The following ZNF502 variants were observed in gnomAD, a reference collection of about 807,000 sequenced individuals.
The protein encoded by ZNF502 is zinc finger protein 502.
Under a neutral mutation model 43.6 loss-of-function variants are expected in ZNF502, and 29 were observed. That is an observed-to-expected ratio of 0.67 (90% CI 0.50 to 0.91). ZNF502 has a LOEUF of 0.91. Ranked by LOEUF, ZNF502 falls within the 40% of genes least tolerant of loss-of-function variation. The pLI is 0.00. For missense variants in ZNF502, 591 were observed against 647.2 expected (o/e 0.91, Z 0.94); for synonymous variants, 171 against 207.4 (o/e 0.82, Z 1.51).
At chr3:44,713,648 T>C (rs1704077241) in intron 1 of ZNF502, among the ~76,000 whole-genome samples, 1 of 152,054 alleles carries the variant, frequency 6.6e-6, no homozygotes. Flanking sequence ...CGGGGTGATC[T>C]GGGCTCACCA....
At position 44,722,666 on chromosome 3, in the gene ZNF502, T is replaced by G. The variant is rs1704396124; in HGVS notation, c.*214T>G. On this transcript the variant is annotated 3_prime_UTR_variant, in exon 3 of 3. Transcript: ENST00000436624. ...GGAATACAGGGTAGAAAGAAATTCC[T>G]GCTTTTCAGATAAAGCCTACACATT... The G allele has an allele frequency of 3.6e-6, 2 of 560,338 alleles. No individual in the cohort carries two copies. The highest frequency in any genetic ancestry group is 6.2e-5 in the South Asian group (2 of 32,514). The allele number at this position is 560,338 out of a possible 1,614,324, so 34.7% of individuals were successfully genotyped here.
Position 44,721,813 on chromosome 3 carries a change from C to A in ZNF502, c.996C>A (p.Phe332Leu). The change falls in exon 3 of 3, where the codon TTC becomes TTA. Residue 332 changes from phenylalanine to leucine, a missense_variant. Transcript: ENST00000436624. ...PHKCDECGKTFQTKANLSQHQ... is the reference protein window; with the variant it reads ...PHKCDECGKTLQTKANLSQHQ... Reference sequence around the variant, plus strand: ...AATGTGACGAATGTGGGAAAACTTTCCAAACAAAGGCAAACCTCTCTCAGC... The same window carrying A: ...AATGTGACGAATGTGGGAAAACTTTACAAACAAAGGCAAACCTCTCTCAGC... The A allele has an allele frequency of 6.2e-7, 1 of 1,614,068 alleles. No homozygotes were observed. The highest frequency in any genetic ancestry group is 8.5e-7 in the Non-Finnish European group (1 of 1,179,990).
In ZNF502 at chr3:44,720,272, T is replaced by C. The variant is rs765703520; in HGVS notation, c.11T>C (p.Met4Thr). 1.4e-5 allele frequency: 23 copies of C among 1,614,124 alleles called. No individual in the cohort carries two copies. The highest frequency in any genetic ancestry group is 1.9e-5 in the Non-Finnish European group (23 of 1,180,006). Residue 4 changes from methionine to threonine, a missense_variant, in exon 2 of 3, where the codon ATG (methionine) becomes ACG (threonine). Coordinates refer to ENST00000436624, the MANE Select transcript of ZNF502 (RefSeq NM_001134442.3). Reference protein sequence around the residue: MLNMQGAEERDIRR... With the variant: MLNTQGAEERDIRR... Reference sequence around the variant, plus strand: ...AGAGACGATCTGTGGATGTTGAATATGCAAGGAGCTGAAGAGAGAGACATT... The same window carrying C: ...AGAGACGATCTGTGGATGTTGAATACGCAAGGAGCTGAAGAGAGAGACATT...
chr3:44,715,715 T>G (rs1003193644), intron 1 of ZNF502, among the ~76,000 whole-genome samples: 1 of 152,198 alleles, frequency 6.6e-6, no homozygotes, highest in African/African-American at 2.4e-5. Flanking sequence ...TATTTTTAAT[T>G]TTTAATTTTT....
chr3:44,716,797 C>T (rs1459848571), intron 1 of ZNF502, among the ~76,000 whole-genome samples: 1 of 152,144 alleles, frequency 6.6e-6, no homozygotes, highest in East Asian at 1.9e-4. Context: ...TTTCAGTTTC[C>T]ATTTCCTTGT....
chr3:44,714,287 G>C (rs1255424895), intron 1 of ZNF502, among the ~76,000 whole-genome samples: 1 of 152,098 alleles, frequency 6.6e-6, no homozygotes, highest in Non-Finnish European at 1.5e-5. Flanking sequence ...GATCTGCAGA[G>C]GGATCTTTTT....
Position 44,721,753 on chromosome 3 carries a change from A to G in ZNF502, c.936A>G (p.Gln312=). ...SSFRKHSNLT[Q]HQRIHTGEKP... The stretch of plus-strand genomic sequence containing the variant: ...TTCGAAAACACTCAAATCTTACGCA[A>G]CATCAGAGAATTCACACTGGGGAAA... Residue 312 remains glutamine, a synonymous_variant, in exon 3 of 3, where the codon CAA becomes CAG. Transcript: ENST00000436624. The G allele has an allele frequency of 1.2e-6, 2 of 1,613,288 alleles. No homozygotes were observed. The highest frequency in any genetic ancestry group is 1.7e-6 in the Non-Finnish European group (2 of 1,179,514).
intron 1 of ZNF502, among the ~76,000 whole-genome samples, chr3:44,718,335 A>C (rs1169057736): frequency 6.6e-6 from 1 of 152,182 alleles, no homozygotes; most frequent in Non-Finnish European, 1.5e-5. Context: ...AGGGATCTTC[A>C]AGCCTTCACC....
At chr3:44,716,227 G>A (rs988986426) in intron 1 of ZNF502, among the ~76,000 whole-genome samples, 3 of 147,168 alleles carry the variant, frequency 2.0e-5, no homozygotes, top group East Asian at 2.0e-4. Flanking sequence ...CGCTCTTGTC[G>A]CCCAAGCTGG....
At chr3:44,718,028 T>TA (rs1704197946) in intron 1 of ZNF502, among the ~76,000 whole-genome samples, 1 of 152,238 alleles carries the variant, frequency 6.6e-6, no homozygotes. Context: ...TTTTATCTGT[T>TA]ACTCCTGTGA....
chr3:44,721,597 T>A lies in ZNF502; in HGVS notation c.780T>A (p.Ile260=). 1.2e-6 allele frequency: 2 copies of A among 1,614,122 alleles called. No homozygotes were observed. The highest frequency in any genetic ancestry group is 4.5e-5 in the East Asian group (2 of 44,876). ...NHSHLTEHQR[I]HTGEKPYKCN... Reference sequence around the variant, plus strand: ...CACATCTCACTGAACACCAGAGAATTCACACTGGAGAGAAACCTTATAAAT... The same window carrying A: ...CACATCTCACTGAACACCAGAGAATACACACTGGAGAGAAACCTTATAAAT... Residue 260 remains isoleucine, a synonymous_variant, in exon 3 of 3, where the codon ATT becomes ATA. Transcript: ENST00000436624.
At chr3:44,717,234 C>T (rs1704167393) in intron 1 of ZNF502, among the ~76,000 whole-genome samples, 1 of 151,686 alleles carries the variant, frequency 6.6e-6, no homozygotes, top group Non-Finnish European at 1.5e-5. Flanking sequence ...GCAATGGTGC[C>T]AACTTGATTT....
At chr3:44,719,246 T>TA (rs1704238258) in intron 1 of ZNF502, among the ~76,000 whole-genome samples, 1 of 152,256 alleles carries the variant, frequency 6.6e-6, no homozygotes, top group Non-Finnish European at 1.5e-5. Flanking sequence ...GTGCTGGGAT[T>TA]ACAGGCGTAA....
chr3:44,718,929 C>G (rs921665209), intron 1 of ZNF502, among the ~76,000 whole-genome samples: 6 of 151,506 alleles, frequency 4.0e-5, no homozygotes, highest in Non-Finnish European at 8.8e-5. Context: ...TTATGTTCTT[C>G]CTGTGAATGA....
In ZNF502 at chr3:44,721,542, A is replaced by G. The variant is rs1559500934; in HGVS notation, c.725A>G (p.Asn242Ser). 4 of 1,607,646 alleles carry G rather than the reference A, an allele frequency of 2.5e-6. No homozygotes were observed. Among genetic ancestry groups the G allele is most frequent in the Non-Finnish European group, 3.4e-6 (4 of 1,176,076 alleles). ...IHTGEKPYKC[N>S]ECGNSFRNHS... ...ACTGGAGAGAAACCTTATAAATGCA[A>G]TGAATGTGGGAATTCCTTCCGCAAT... Residue 242 changes from asparagine to serine, a missense_variant, in exon 3 of 3, where the codon AAT (asparagine) becomes AGT (serine). By Grantham distance (46) the Asn-to-Ser change is conservative. Coordinates refer to ENST00000436624, the MANE Select transcript of ZNF502 (RefSeq NM_001134442.3).
chr3:44,721,343 A>C lies in ZNF502; in HGVS notation c.526A>C (p.Thr176Pro), dbSNP rs751357540. ...QSSSLTQHQR[T>P]HTGERPYTCE... ...CTCATCCCTTACCCAACATCAGAGA[A>C]CTCATACTGGAGAGAGACCCTACAC... The change falls in exon 3 of 3, where the codon ACT (threonine) becomes CCT (proline). Residue 176 changes from threonine (T) to proline (P), a missense_variant. Transcript: ENST00000436624. 8.7e-6 allele frequency: 14 copies of C among 1,614,144 alleles called. No homozygotes were observed. The highest frequency in any genetic ancestry group is 1.2e-5 in the Non-Finnish European group (14 of 1,179,992).
At position 44,716,209 on chromosome 3, in the gene ZNF502, C is replaced by T. The variant is rs188130787; in HGVS notation, c.-60+3469C>T. Among the ~76,000 whole-genome samples, 736 of 141,562 alleles carry T rather than the reference C, an allele frequency of 5.2e-3. 4 individuals carry two copies. The highest frequency in any genetic ancestry group is 8.5e-3 in the Non-Finnish European group (559 of 65,972). The allele number at this position is 141,562 out of a possible 152,430, so 92.9% of individuals were successfully genotyped here. ...TAGTCTTTTTTTTTTTTTTTTGAGA[C>T]GGAGTTTCGCTCTTGTCGCCCAAGC... On this transcript the variant is annotated intron_variant, in intron 1 of 2. Coordinates refer to ENST00000436624, the MANE Select transcript of ZNF502 (RefSeq NM_001134442.3).
intron 1 of ZNF502, 89 bp from the exon 2 acceptor site, chr3:44,720,114 T>A: frequency 1.3e-6 from 1 of 788,760 alleles, no homozygotes; most frequent in Non-Finnish European, 2.2e-6. Context: ...TATTAGATAG[T>A]GTCCCTAGGC....
rs149893739 is a variant in ZNF502 at position 44,722,156 on chromosome 3, A to T, written c.1339A>T (p.Asn447Tyr). Residue 447 changes from asparagine to tyrosine, a missense_variant, in exon 3 of 3, where the codon AAC (asparagine) becomes TAC (tyrosine). By Grantham distance (143) the Asn-to-Tyr change is moderately radical. Transcript: ENST00000436624. ...TGAATGTGGAAAGGGCTTTAATCAG[A>T]ACACCTGCCTCACTCAGCATATGAG... ...CNECGKGFNQ[N>Y]TCLTQHMRIH... 6.2e-7 allele frequency: 1 copy of T among 1,614,244 alleles called. No individual in the cohort carries two copies. The highest frequency in any genetic ancestry group is 8.5e-7 in the Non-Finnish European group (1 of 1,180,040).
Sources: allele counts gnomAD v4.1 joint callset (sites outside exome capture counted in the v4.1 genomes callset), GRCh38; gene constraint gnomAD v4.1.1; transcripts MANE v1.5; gene names NCBI Gene and HGNC (gene_info 2026-07-23, HGNC 2026-07-21).